The following IL1RAPL2 variants were observed in gnomAD, a reference collection of about 807,000 sequenced individuals.
IL1RAPL2 encodes interleukin 1 receptor accessory protein like 2.
A neutral mutation model predicts 44.1 loss-of-function variants in IL1RAPL2; 3 were observed. The ratio of observed to expected loss-of-function variants is 0.07; its 90% CI spans 0.03 to 0.18. The LOEUF (loss-of-function observed/expected upper bound fraction) is 0.18, where lower values mean the gene tolerates loss of function less well. Among genes scored for constraint, IL1RAPL2 ranks in the 10% least tolerant of loss-of-function variants. The probability of loss-of-function intolerance (pLI) is 1.00; values close to 1 mark genes in which losing one functional copy is unlikely to be tolerated. For synonymous variants in IL1RAPL2, 181 were observed against 178.8 expected, an observed-to-expected ratio of 1.01 and a Z score of -0.10; for missense variants, 391 against 496.4, an observed-to-expected ratio of 0.79 and a Z score of 2.02.
intron 2 of IL1RAPL2, among the ~76,000 whole-genome samples, chrX:104,702,731 G>C (rs1045356080): frequency 1.8e-5 from 2 of 111,389 alleles, no homozygotes; most frequent in Non-Finnish European, 3.8e-5. Flanking sequence ...GTATGTGTGT[G>C]TGTGTATAGA....
chrX:105,644,221 C>G (rs1289229395), intron 6 of IL1RAPL2, among the ~76,000 whole-genome samples: 1 of 111,188 alleles, frequency 9.0e-6, no homozygotes, highest in African/African-American at 3.3e-5. Context: ...TGTCAGAACT[C>G]TCATTACTTG....
chrX:104,948,349 C>G (rs1169279241), intron 2 of IL1RAPL2, among the ~76,000 whole-genome samples: 1 of 108,373 alleles, frequency 9.2e-6, no homozygotes, highest in East Asian at 2.9e-4. Context: ...GATATACAAT[C>G]ATGACATCTG....
At chrX:105,015,076 CT>C (rs897620103) in intron 2 of IL1RAPL2, among the ~76,000 whole-genome samples, 5 of 111,510 alleles carry the variant, frequency 4.5e-5, no homozygotes, top group African/African-American at 1.6e-4. Context: ...TGATAATGAG[CT>C]TTTTTTAATA....
intron 2 of IL1RAPL2, among the ~76,000 whole-genome samples, chrX:104,691,675 C>CT (rs1931094311): frequency 8.9e-6 from 1 of 111,955 alleles, no homozygotes; most frequent in Non-Finnish European, 1.9e-5. Flanking sequence ...CCAAAATGAG[C>CT]TGTAAGCAAC....
rs755120964 is a variant in IL1RAPL2, at chrX:105,126,103, T to C, written c.83-69372T>C. On this transcript the variant is annotated intron_variant, in intron 2 of 10. Coordinates refer to ENST00000372582, the MANE Select transcript of IL1RAPL2 (RefSeq NM_017416.2). ...GTCTATCTCATTGCTGAGAAGTTCT[T>C]CCTAAACACTGAGGCAAATCCTGGT... Among the ~76,000 whole-genome samples, 3 of 110,935 alleles carry C rather than the reference T, an allele frequency of 2.7e-5. No individual in the cohort carries two copies. In the South Asian group the frequency reaches 1.1e-3, roughly 41 times the overall value.
chrX:104,970,271 A>C (rs760592914), intron 2 of IL1RAPL2, among the ~76,000 whole-genome samples: 1 of 112,244 alleles, frequency 8.9e-6, no homozygotes, highest in East Asian at 2.8e-4. Context: ...AAATATTTCA[A>C]CAAATTATTG....
At chrX:105,016,010 C>G (rs1039841151) in intron 2 of IL1RAPL2, among the ~76,000 whole-genome samples, 13 of 111,328 alleles carry the variant, frequency 1.2e-4, no homozygotes, top group African/African-American at 4.2e-4. Flanking sequence ...TTGTAATTCT[C>G]CTTGAAGAGG....
intron 1 of IL1RAPL2, among the ~76,000 whole-genome samples, chrX:104,644,634 C>A (rs990292641): frequency 2.7e-5 from 3 of 111,028 alleles, no homozygotes; most frequent in Admixed American, 9.6e-5. Context: ...TTTCTGGCTT[C>A]TTTCCCTAAT....
intron 6 of IL1RAPL2, among the ~76,000 whole-genome samples, chrX:105,605,106 G>A (rs985526991): frequency 2.7e-5 from 3 of 110,416 alleles, no homozygotes; most frequent in African/African-American, 9.9e-5. Context: ...AGAGCAATTA[G>A]GCAAGAGAAA....
chrX:104,893,616 C>CT (rs749686832), intron 2 of IL1RAPL2, among the ~76,000 whole-genome samples: 4 of 111,072 alleles, frequency 3.6e-5, no homozygotes, highest in Non-Finnish European at 7.6e-5. Flanking sequence ...CAACCCCTGC[C>CT]TTTTTTTGTT....
At chrX:105,048,576 T>C (rs188840174) in intron 2 of IL1RAPL2, among the ~76,000 whole-genome samples, 226 of 111,676 alleles carry the variant, frequency 2.0e-3, no homozygotes, top group African/African-American at 6.1e-3. Flanking sequence ...AGACCTAGTG[T>C]ATATTTTATA....
intron 7 of IL1RAPL2, among the ~76,000 whole-genome samples, chrX:105,739,480 C>A (rs1447488249): frequency 1.1e-5 from 1 of 95,109 alleles, no homozygotes; most frequent in Admixed American, 1.1e-4. Context: ...GTATATCGCC[C>A]AATGCTATCC....
chrX:105,079,789 A>G (rs1464353005), intron 2 of IL1RAPL2, among the ~76,000 whole-genome samples: 3 of 111,030 alleles, frequency 2.7e-5, no homozygotes, highest in East Asian at 2.9e-4. Context: ...GTCTTCCACA[A>G]TGGTTGAACT....
intron 2 of IL1RAPL2, among the ~76,000 whole-genome samples, chrX:104,887,035 T>C (rs1426170100): frequency 8.9e-6 from 1 of 112,602 alleles, no homozygotes; most frequent in Non-Finnish European, 1.9e-5. Flanking sequence ...GGCCTAATCT[T>C]AGCCAGAGAG....
At chrX:105,399,740 G>T (rs751436168) in intron 5 of IL1RAPL2, among the ~76,000 whole-genome samples, 1 of 111,029 alleles carries the variant, frequency 9.0e-6, no homozygotes, top group East Asian at 2.8e-4. Flanking sequence ...TATGTTCCAA[G>T]CACTGTAGAT....
rs137956213 is a variant in IL1RAPL2 at position 105,400,446 on chromosome X, A to G, written c.698-83867A>G. ...CCTTATACTTTTATGATGATTTCAT[A>G]CATGGCTTTTCACTCAAGAGACTGT... is the stretch of plus-strand genomic sequence containing the variant. On this transcript the variant is annotated intron_variant, in intron 5 of 10. Coordinates refer to ENST00000372582, the MANE Select transcript of IL1RAPL2 (RefSeq NM_017416.2). Among the ~76,000 whole-genome samples the G allele has an allele frequency of 9.3e-3, 1,032 of 111,256 alleles. 16 individuals are homozygous for G. The highest frequency in any genetic ancestry group is 0.031 in the African/African-American group (952 of 30,728).
intron 3 of IL1RAPL2, among the ~76,000 whole-genome samples, chrX:105,226,304 A>C (rs1347674005): frequency 9.2e-6 from 1 of 108,697 alleles, no homozygotes; most frequent in African/African-American, 3.4e-5. Context: ...GTCTTCTACC[A>C]GCTTCCATGA....
At chrX:104,632,098 G>T (rs1307943920) in intron 1 of IL1RAPL2, among the ~76,000 whole-genome samples, 2 of 111,434 alleles carry the variant, frequency 1.8e-5, no homozygotes, top group African/African-American at 6.5e-5. Flanking sequence ...TTAAATAGGG[G>T]ATTGTTTCCC....
At chrX:105,451,259 G>A (rs1456243253) in intron 5 of IL1RAPL2, among the ~76,000 whole-genome samples, 4 of 111,222 alleles carry the variant, frequency 3.6e-5, no homozygotes, top group Admixed American at 9.6e-5. Flanking sequence ...CTCATTGTAC[G>A]AGTGGCTTTA....
Sources: allele counts gnomAD v4.1 joint callset (sites outside exome capture counted in the v4.1 genomes callset), GRCh38; gene constraint gnomAD v4.1.1; transcripts MANE v1.5; gene names NCBI Gene and HGNC (gene_info 2026-07-23, HGNC 2026-07-21).